Variants in CLUAP1 observed in about 807,000 individuals in gnomAD.
CLUAP1 encodes the protein intraflagellar transport 38, also known as clusterin-associated protein 1.
In CLUAP1, 50 loss-of-function variants were observed where a neutral mutation model predicts 55.0. That is an observed-to-expected ratio of 0.91 (90% confidence interval 0.72 to 1.15). The LOEUF is 1.15. Ranked by LOEUF, CLUAP1 falls within the 50% of genes most tolerant of loss-of-function variation. The pLI, the probability that CLUAP1 is intolerant of heterozygous loss-of-function variation, is 0.00. For missense variants in CLUAP1, 530 were observed against 507.6 expected, an observed-to-expected ratio of 1.04 and a Z score of -0.42; for synonymous variants, 195 against 175.4, an observed-to-expected ratio of 1.11 and a Z score of -0.88.
chr16:3,504,984 G>A (rs949047027), intron 2 of CLUAP1, among the ~76,000 whole-genome samples, 153 bp downstream of exon 2: 2 of 152,304 alleles, frequency 1.3e-5, no homozygotes, highest in East Asian at 3.9e-4. Context: ...AGTTGTGGCT[G>A]GGCACAGTGG....
chr16:3,508,613 T>TGAGCAC, intron 4 of CLUAP1, 145 bp downstream of exon 4: 1 of 655,332 alleles, frequency 1.5e-6, no homozygotes, highest in Non-Finnish European at 2.4e-6. Flanking sequence ...AGCATTTGGA[T>TGAGCAC]AAAGTCAAAG....
chr16:3,508,762 C>G (rs1053379445), intron 4 of CLUAP1, among the ~76,000 whole-genome samples: 6 of 151,968 alleles, frequency 3.9e-5, no homozygotes, highest in Middle Eastern at 3.2e-3. Context: ...AGACTGTGAA[C>G]AATAAGAGGT....
chr16:3,523,822 C>T (rs1032268036), intron 8 of CLUAP1, among the ~76,000 whole-genome samples: 1 of 151,892 alleles, frequency 6.6e-6, no homozygotes, highest in Non-Finnish European at 1.5e-5. Context: ...AAAAATTAGC[C>T]GGGTGTGGTC....
chr16:3,503,233 G>C (rs1028698824), intron 1 of CLUAP1, among the ~76,000 whole-genome samples: 33 of 148,516 alleles, frequency 2.2e-4, no homozygotes, highest in African/African-American at 7.9e-4. Context: ...ACGCGATCTC[G>C]GCTCACTGCA....
At chr16:3,495,984 CAA>C (rs1282910908), upstream of CLUAP1, among the ~76,000 whole-genome samples, 1 of 151,918 alleles carries the variant, frequency 6.6e-6, no homozygotes, top group Non-Finnish European at 1.5e-5. Flanking sequence ...ACTAAAAATA[CAA>C]AAAAATTAGC....
At chr16:3,516,490 T>G (rs2037731729) in intron 6 of CLUAP1, among the ~76,000 whole-genome samples, 1 of 152,056 alleles carries the variant, frequency 6.6e-6, no homozygotes. Flanking sequence ...ATGGGTCAGA[T>G]AAGTAAAAAT....
upstream of CLUAP1, among the ~76,000 whole-genome samples, chr16:3,500,196 G>GC (rs2037360630): frequency 6.6e-6 from 1 of 152,108 alleles, no homozygotes; most frequent in African/African-American, 2.4e-5. Flanking sequence ...GCGGCTCAGG[G>GC]CCCCTTTCCG....
At chr16:3,533,219 G>A (rs749592971) in intron 11 of CLUAP1, 123 of 1,324,834 alleles carry the variant, frequency 9.3e-5, no homozygotes, top group Non-Finnish European at 1.2e-4. Context: ...GGCCAGCCAG[G>A]GGCCTCTCCC....
Position 3,501,109 on chromosome 16 carries a change from C to G in CLUAP1, c.22+20C>G, listed in dbSNP as rs754494832. The G allele has an allele frequency of 6.3e-7, 1 of 1,583,078 alleles. No individual in the cohort carries two copies. Among genetic ancestry groups the G allele is most frequent in the Non-Finnish European group, 8.5e-7 (1 of 1,170,514 alleles). On this transcript the variant is annotated intron_variant, in intron 1 of 11. Transcript: ENST00000576634. ...TCCGCAGTAAGGCAGCCCCGCGCCC[C>G]TGTGACCTGCGGGTCTTCCAGAGAT...
chr16:3,507,465 T>C (rs1241689404), intron 3 of CLUAP1, among the ~76,000 whole-genome samples: 1 of 148,556 alleles, frequency 6.7e-6, no homozygotes, highest in Non-Finnish European at 1.5e-5. Context: ...GAGGCTGAGG[T>C]GGGAGGATTG....
At position 3,538,518 on chromosome 16, in the gene CLUAP1, G is replaced by C. The variant is rs1025620149; in HGVS notation, c.*2247G>C. ...TTTGCCTGAATGTGACTTGACTTCTGTTTTGAAAAAACATACGAATAGAGT... is the reference window on the plus strand; with the variant it reads ...TTTGCCTGAATGTGACTTGACTTCTCTTTTGAAAAAACATACGAATAGAGT... On this transcript the variant is annotated 3_prime_UTR_variant, in exon 12 of 12. Transcript: ENST00000576634. 1.3e-5 allele frequency: 2 copies of C among 152,154 alleles called. No homozygotes were observed. Among genetic ancestry groups the C allele is most frequent in the African/African-American group, 4.8e-5 (2 of 41,436 alleles). The allele number at this position is 152,154 out of a possible 1,614,324, so 9.4% of individuals were successfully genotyped here.
intron 6 of CLUAP1, 131 bp from the exon 7 acceptor site, chr16:3,519,772 A>G: frequency 2.5e-6 from 2 of 795,626 alleles, no homozygotes; most frequent in South Asian, 5.1e-5. Context: ...TGCTTGGGGA[A>G]GTGTCTATTT....
chr16:3,501,044 T>A lies in CLUAP1; in HGVS notation c.-24T>A. 6.3e-7 allele frequency: 1 copy of A among 1,597,866 alleles called. No individual in the cohort carries two copies. Among genetic ancestry groups the A allele is most frequent in the Non-Finnish European group, 8.5e-7 (1 of 1,175,200 alleles). On this transcript the variant is annotated 5_prime_UTR_variant, in exon 1 of 12. Coordinates refer to ENST00000576634, the MANE Select transcript of CLUAP1 (RefSeq NM_015041.3). ...GCTGAGGGGCGAGCAGTTGCGACCC[T>A]GGGCTCCTGGGGACCTGAGCGTTAT...
intron 8 of CLUAP1, 48 bp from the exon 9 acceptor site, chr16:3,526,364 G>C: frequency 7.4e-7 from 1 of 1,349,760 alleles, no homozygotes; most frequent in Non-Finnish European, 1.0e-6. Context: ...GAATAGAACA[G>C]TCCAGAAAAG....
At position 3,501,016 on chromosome 16, in the gene CLUAP1, A is replaced by G. The variant is rs1567418994; in HGVS notation, c.-52A>G. On this transcript the variant is annotated 5_prime_UTR_variant, in exon 1 of 12. Transcript: ENST00000576634. Reference sequence around the variant, plus strand: ...GAGATCGTCGAGCGCTGGGCCTGTGATCGCTGAGGGGCGAGCAGTTGCGAC... The same window carrying G: ...GAGATCGTCGAGCGCTGGGCCTGTGGTCGCTGAGGGGCGAGCAGTTGCGAC... 2 of 1,579,012 alleles carry G rather than the reference A, an allele frequency of 1.3e-6. No homozygotes were observed. The highest frequency in any genetic ancestry group is 2.3e-5 in the East Asian group (1 of 43,488).
chr16:3,500,315 G>C (rs549860562), upstream of CLUAP1, among the ~76,000 whole-genome samples: 1 of 152,262 alleles, frequency 6.6e-6, no homozygotes, highest in South Asian at 2.1e-4. Context: ...ATTCCGACGA[G>C]GAGCGCGCTG....
chr16:3,536,401 C>G lies in CLUAP1; in HGVS notation c.*130C>G, dbSNP rs921714431. ...TGGACTCATGATCACTGAAGCAATA[C>G]TTATTTCTGCTTTAGCCTCCTATGT... is the stretch of plus-strand genomic sequence containing the variant. On this transcript the variant is annotated 3_prime_UTR_variant, in exon 12 of 12. Transcript: ENST00000576634. 3 of 884,622 alleles carry G rather than the reference C, an allele frequency of 3.4e-6. No homozygotes were observed. In the African/African-American group the frequency reaches 5.0e-5, roughly 15 times the overall value. 54.8% of individuals were successfully genotyped at this position (884,622 alleles called of 1,614,324 possible). A position where few individuals can be genotyped will look rare whatever the true frequency, so the allele number is the denominator to read the frequency against.
In CLUAP1 at chr16:3,530,678, A is replaced by G. The variant is rs1596405004; in HGVS notation, c.1036+3A>G. On this transcript the variant is annotated splice_donor_region_variant and intron_variant, in intron 10 of 11. Transcript: ENST00000576634. Reference sequence around the variant, plus strand: ...AGCCATGGAGATGCTCATGCAAGGTACCCCGGCGTCTTTCGCTGGACTTCC... The same window carrying G: ...AGCCATGGAGATGCTCATGCAAGGTGCCCCGGCGTCTTTCGCTGGACTTCC... 6.2e-7 allele frequency: 1 copy of G among 1,612,688 alleles called. No individual in the cohort carries two copies. The highest frequency in any genetic ancestry group is 8.5e-7 in the Non-Finnish European group (1 of 1,178,922).
chr16:3,524,429 G>A (rs779251045), intron 8 of CLUAP1, among the ~76,000 whole-genome samples: 30 of 151,096 alleles, frequency 2.0e-4, no homozygotes, highest in Non-Finnish European at 3.4e-4. Flanking sequence ...GTGAAACCCC[G>A]TCTACTAAAA....
Sources: gnomAD v4.1 joint callset for allele counts (sites outside exome capture counted in the v4.1 genomes callset) on GRCh38, gnomAD v4.1.1 for gene constraint, MANE v1.5 for transcripts, NCBI Gene and HGNC (gene_info 2026-07-23, HGNC 2026-07-21) for gene names.